WWOX: variants seen among roughly 807,000 people sequenced by gnomAD.
WWOX encodes WW domain-containing oxidoreductase.
A neutral mutation model predicts 46.2 loss-of-function variants in WWOX; 69 were observed. The ratio of observed to expected loss-of-function variants is 1.49; its 90% CI spans 1.23 to 1.82. The LOEUF (loss-of-function observed/expected upper bound fraction) is 1.82, where lower values mean the gene tolerates loss of function less well. Among genes scored for constraint, WWOX ranks in the 40% most tolerant of loss-of-function variants. The pLI, the probability that WWOX is intolerant of heterozygous loss-of-function variation, is 0.00. For missense variants in WWOX, 919 were observed against 542.6 expected (o/e 1.69, Z -6.89); for synonymous variants, 359 against 202.6 (o/e 1.77, Z -6.56).
chr16:78,680,287 C>T (rs1008847739), intron 8 of WWOX, among the ~76,000 whole-genome samples: 1 of 152,056 alleles, frequency 6.6e-6, no homozygotes, highest in African/African-American at 2.4e-5. Flanking sequence ...CATGCATCTG[C>T]AGTCCTGGCT....
At chr16:78,344,429 A>G (rs1157749194) in intron 5 of WWOX, among the ~76,000 whole-genome samples, 1 of 121,916 alleles carries the variant, frequency 8.2e-6, no homozygotes, top group African/African-American at 2.8e-5. Context: ...CCAGCAAGGA[A>G]GATGGAATTA....
At chr16:78,241,732 G>T (rs938331970) in intron 5 of WWOX, among the ~76,000 whole-genome samples, 1 of 152,092 alleles carries the variant, frequency 6.6e-6, no homozygotes, top group African/African-American at 2.4e-5. Flanking sequence ...GAACCACCAC[G>T]CCCCTCACGC....
intron 8 of WWOX, among the ~76,000 whole-genome samples, chr16:79,107,488 C>A (rs754154206): frequency 5.3e-5 from 8 of 152,234 alleles, no homozygotes; most frequent in Non-Finnish European, 8.8e-5. Flanking sequence ...TACTCAGGGT[C>A]TGTTGGGCAT....
intron 8 of WWOX, among the ~76,000 whole-genome samples, chr16:79,107,105 C>A (rs576665566): frequency 6.6e-6 from 1 of 152,262 alleles, no homozygotes; most frequent in South Asian, 2.1e-4. Flanking sequence ...GCCACCGCTC[C>A]CAGCCTTTAA....
At chr16:79,169,035 C>A (rs982578097) in intron 8 of WWOX, among the ~76,000 whole-genome samples, 1 of 152,178 alleles carries the variant, frequency 6.6e-6, no homozygotes. Flanking sequence ...TATGGAGAAT[C>A]TATTAGATAC....
intron 8 of WWOX, among the ~76,000 whole-genome samples, chr16:78,931,880 C>T (rs2045631062): frequency 6.6e-6 from 1 of 152,166 alleles, no homozygotes; most frequent in Admixed American, 6.5e-5. Context: ...GTAATTGGAT[C>T]ATGGGGGTGG....
At chr16:78,904,660 G>A (rs896734690) in intron 8 of WWOX, among the ~76,000 whole-genome samples, 1 of 152,060 alleles carries the variant, frequency 6.6e-6, no homozygotes, top group Non-Finnish European at 1.5e-5. Context: ...ATCCACACTG[G>A]CACCTTTTTG....
chr16:79,114,434 ATGCACACACGTG>A (rs2049474074), intron 8 of WWOX, among the ~76,000 whole-genome samples: 2 of 151,386 alleles, frequency 1.3e-5, no homozygotes, highest in South Asian at 2.1e-4. Context: ...ACATACCTAC[ATGCACACACGTG>A]TGCACACACA....
chr16:78,210,992 C>T (rs1374591621), intron 5 of WWOX, among the ~76,000 whole-genome samples: 1 of 152,172 alleles, frequency 6.6e-6, no homozygotes. Context: ...AACAAATTTT[C>T]TTTATTTCAT....
intron 8 of WWOX, among the ~76,000 whole-genome samples, chr16:78,820,633 C>G (rs563845974): frequency 3.3e-5 from 5 of 152,118 alleles, no homozygotes; most frequent in African/African-American, 1.2e-4. Flanking sequence ...CAGGGCCTGT[C>G]TTCAGGGAAG....
intron 5 of WWOX, among the ~76,000 whole-genome samples, chr16:78,169,567 G>T (rs1425239816): frequency 2.0e-5 from 3 of 151,894 alleles, no homozygotes; most frequent in Non-Finnish European, 4.4e-5. Flanking sequence ...ACATTCCAGT[G>T]TAGAGCTCTT....
chr16:79,031,532 A>C (rs570960679), intron 8 of WWOX, among the ~76,000 whole-genome samples: 5 of 151,998 alleles, frequency 3.3e-5, no homozygotes, highest in African/African-American at 4.8e-5. Flanking sequence ...AGGAAGGGAA[A>C]AGCTACACCC....
At chr16:78,601,441 GA>G (rs58096899) in intron 8 of WWOX, among the ~76,000 whole-genome samples, 3 of 143,992 alleles carry the variant, frequency 2.1e-5, no homozygotes, top group African/African-American at 2.6e-5. Context: ...CCAGCAGAGA[GA>G]AAAAAAAAAA....
chr16:78,477,335 A>G (rs1421107537), intron 8 of WWOX, among the ~76,000 whole-genome samples: 1 of 152,190 alleles, frequency 6.6e-6, no homozygotes, highest in Non-Finnish European at 1.5e-5. Flanking sequence ...ACCTTTGCAT[A>G]AATCCTTTAA....
At chr16:78,569,423 A>G (rs1426105354) in intron 8 of WWOX, among the ~76,000 whole-genome samples, 7 of 152,230 alleles carry the variant, frequency 4.6e-5, no homozygotes, top group African/African-American at 1.7e-4. Flanking sequence ...TGGTCAAGTC[A>G]TTTAATTTAT....
chr16:78,500,143 C>G (rs2085024267), intron 8 of WWOX, among the ~76,000 whole-genome samples: 1 of 152,102 alleles, frequency 6.6e-6, no homozygotes, highest in Admixed American at 6.5e-5. Flanking sequence ...TCATTTTGAG[C>G]CAAGGATAGC....
At chr16:78,369,753 C>G (rs143298779) in intron 5 of WWOX, among the ~76,000 whole-genome samples, 9 of 151,994 alleles carry the variant, frequency 5.9e-5, no homozygotes, top group East Asian at 1.9e-4. Context: ...CCAACAAATA[C>G]GTTGCTTGTG....
chr16:78,598,392 G>C (rs2151612996), intron 8 of WWOX, among the ~76,000 whole-genome samples: 1 of 152,254 alleles, frequency 6.6e-6, no homozygotes, highest in East Asian at 1.9e-4. Flanking sequence ...AAAATCGAGA[G>C]GGGAATGCAA....
chr16:79,068,851 A>C (rs1294306069), intron 8 of WWOX, among the ~76,000 whole-genome samples: 1 of 136,328 alleles, frequency 7.3e-6, no homozygotes, highest in Non-Finnish European at 1.6e-5. Flanking sequence ...TAATAATAAT[A>C]ATAATAATAA....
Sources: gnomAD v4.1 joint callset for allele counts (sites outside exome capture counted in the v4.1 genomes callset) on GRCh38, gnomAD v4.1.1 for gene constraint, MANE v1.5 for transcripts, NCBI Gene and HGNC (gene_info 2026-07-23, HGNC 2026-07-21) for gene names.